The following SLFN14 variants were observed in gnomAD, a reference collection of about 807,000 sequenced individuals.
SLFN14 encodes schlafen family member 14, also known as protein SLFN14.
In SLFN14, 47 loss-of-function variants were observed where a neutral mutation model predicts 58.6. The observed-to-expected ratio is 0.80, with a 90% confidence interval of 0.64 to 1.02. SLFN14 has a LOEUF of 1.02. SLFN14 is among the 50% of genes least tolerant of loss of function. SLFN14 has a pLI of 0.00. For missense variants in SLFN14, 967 were observed against 1,078.4 expected (o/e 0.90, Z 1.45); for synonymous variants, 390 against 387.3 (o/e 1.01, Z -0.08).
At chr17:35,553,532 G>T in intron 4 of SLFN14, 88 bp from the exon 5 acceptor site, 3 of 1,014,242 alleles carry the variant, frequency 3.0e-6, no homozygotes, top group Non-Finnish European at 4.2e-6. Flanking sequence ...ATGATACCTG[G>T]TGCATTTGGG....
At chr17:35,556,890 A>G in intron 3 of SLFN14, 113 bp downstream of exon 3, 1 of 1,016,648 alleles carries the variant, frequency 9.8e-7, no homozygotes, top group East Asian at 2.6e-5. Flanking sequence ...GAGAACACTT[A>G]TAAGAAAAAT....
At position 35,557,557 on chromosome 17, in the gene SLFN14, G is replaced by A; in HGVS notation, c.506C>T (p.Pro169Leu). Residue 169 changes from proline (P) to leucine (L), a missense_variant, in exon 3 of 6, where the codon CCT becomes CTT. Transcript: ENST00000674182. ...RGRPRVKKLH[P>L]QQVLNRCIQE... ...AATGCATCTATTGAGAACCTGCTGA[G>A]GATGCAACTTCTTCACCCTTGGTCT... 1 of 1,551,606 alleles carries A rather than the reference G, an allele frequency of 6.4e-7. No homozygotes were observed. Among genetic ancestry groups the A allele is most frequent in the African/African-American group, 1.4e-5 (1 of 73,150 alleles).
intron 1 of SLFN14, among the ~76,000 whole-genome samples, chr17:35,560,117 G>A (rs2072686721): frequency 6.6e-6 from 1 of 152,132 alleles, no homozygotes; most frequent in African/African-American, 2.4e-5. Flanking sequence ...GTTAGAAATG[G>A]TCTCCTTACT....
chr17:35,555,616 G>A (rs1034686005), intron 3 of SLFN14, among the ~76,000 whole-genome samples: 1 of 151,532 alleles, frequency 6.6e-6, no homozygotes, highest in Non-Finnish European at 1.5e-5. Context: ...GGAATCAAAA[G>A]TGGCAGGATC....
chr17:35,554,068 A>G (rs2072624753), intron 4 of SLFN14, among the ~76,000 whole-genome samples: 2 of 152,168 alleles, frequency 1.3e-5, no homozygotes, highest in Admixed American at 1.3e-4. Context: ...TCTGACTCAA[A>G]TGACAATAGT....
intron 3 of SLFN14, among the ~76,000 whole-genome samples, chr17:35,555,266 G>A (rs1329571132): frequency 6.6e-6 from 1 of 152,102 alleles, no homozygotes. Context: ...CACCTATTCG[G>A]GAGGCTGAGG....
chr17:35,552,627 C>CATATATATACAT, intron 5 of SLFN14, 103 bp downstream of exon 5: 2 of 358,700 alleles, frequency 5.6e-6, no homozygotes, highest in Non-Finnish European at 8.8e-6. Flanking sequence ...TATATATACA[C>CATATATATACAT]ATATATATAC....
rs1271330885 is a variant in SLFN14 at position 35,547,638 on chromosome 17, A to C, written c.*601T>G. Among the ~76,000 whole-genome samples, 2 of 152,188 alleles carry C rather than the reference A, an allele frequency of 1.3e-5. No homozygotes were observed. Among genetic ancestry groups the C allele is most frequent in the African/African-American group, 4.8e-5 (2 of 41,432 alleles). ...GAGACTGATCTAGACTTGGTACAAA[A>C]AGGCAATCAAGTTCTGGACCTGGAA... is the stretch of plus-strand genomic sequence containing the variant. On this transcript the variant is annotated 3_prime_UTR_variant, in exon 6 of 6. Transcript: ENST00000674182.
At position 35,548,064 on chromosome 17, in the gene SLFN14, G is replaced by A. The variant is rs1415211083; in HGVS notation, c.*175C>T. The A allele has an allele frequency of 1.4e-5, 9 of 643,886 alleles. No individual in the cohort carries two copies. Among genetic ancestry groups the A allele is most frequent in the Non-Finnish European group, 1.9e-5 (7 of 378,330 alleles). The allele number at this position is 643,886 out of a possible 1,614,324, so 39.9% of individuals were successfully genotyped here. A position where few individuals can be genotyped will look rare whatever the true frequency, so the allele number is the denominator to read the frequency against. ...AGGAGGTGAAGGAAATTGTGAAAAG[G>A]CCAGTGGCATTGAAATAGAGTGGAA... On this transcript the variant is annotated 3_prime_UTR_variant, in exon 6 of 6. Transcript: ENST00000674182.
In SLFN14 at chr17:35,546,555, C is replaced by A. The variant is rs1426913929; in HGVS notation, c.*1684G>T. On this transcript the variant is annotated 3_prime_UTR_variant, in exon 6 of 6. Transcript: ENST00000674182. The stretch of plus-strand genomic sequence containing the variant: ...GCCTCCCCAGAGTCAATCAAGTTAT[C>A]CTAAACTTTTCTAGAAGTTAAAAAC... Among the ~76,000 whole-genome samples, 1 of 152,158 alleles carries A rather than the reference C, an allele frequency of 6.6e-6. No homozygotes were observed. The highest frequency in any genetic ancestry group is 1.5e-5 in the Non-Finnish European group (1 of 68,028).
At position 35,544,983 on chromosome 17, in the gene SLFN14, C is replaced by A. The variant is rs1284329291; in HGVS notation, c.*3256G>T. On this transcript the variant is annotated 3_prime_UTR_variant, in exon 6 of 6. Coordinates refer to ENST00000674182, the MANE Select transcript of SLFN14 (RefSeq NM_001129820.2). ...TATTTCATTTAGTTAATTGCTTTAT[C>A]CATCATATTAAGACTTTGTAGAAAA... Among the ~76,000 whole-genome samples, 1 of 152,098 alleles carries A rather than the reference C, an allele frequency of 6.6e-6. No homozygotes were observed. Among genetic ancestry groups the A allele is most frequent in the African/African-American group, 2.4e-5 (1 of 41,414 alleles).
chr17:35,557,787 T>C lies in SLFN14; in HGVS notation c.276A>G (p.Ser92=). 1 of 1,551,738 alleles carries C rather than the reference T, an allele frequency of 6.4e-7. No individual in the cohort carries two copies. The highest frequency in any genetic ancestry group is 2.0e-5 in the Admixed American group (1 of 51,004). Residue 92 remains serine (S), a synonymous_variant, in exon 3 of 6, where the codon TCA becomes TCG. Transcript: ENST00000674182. ...TSFQKLLPSG[S]QKYLDYMQQG... Reference sequence around the variant, plus strand: ...GCTGCATGTAGTCAAGGTATTTCTGTGAACCTGAAGGAAGGAGCTTTTGAA... The same window carrying C: ...GCTGCATGTAGTCAAGGTATTTCTGCGAACCTGAAGGAAGGAGCTTTTGAA...
chr17:35,553,035 G>A lies in SLFN14; in HGVS notation c.1599C>T (p.Tyr533=). 3.2e-6 allele frequency: 5 copies of A among 1,551,644 alleles called. No homozygotes were observed. Among genetic ancestry groups the A allele is most frequent in the Non-Finnish European group, 4.4e-6 (5 of 1,146,990 alleles). ...CCATTTCCTCCTCATCAGCAAGCCT[G>A]TAGGACCTGGGGTAACGCAGGGGGA... ...GEIPLRYPRS[Y]RLADEEEMED... Residue 533 remains tyrosine (Y), a synonymous_variant, in exon 5 of 6, where the codon TAC becomes TAT. Transcript: ENST00000674182.
At chr17:35,554,450 A>G in intron 4 of SLFN14, 126 bp downstream of exon 4, 1 of 409,996 alleles carries the variant, frequency 2.4e-6, no homozygotes, top group Non-Finnish European at 3.8e-6. Context: ...TTTCAGGATC[A>G]TTATGTCGCT....
intron 3 of SLFN14, among the ~76,000 whole-genome samples, chr17:35,556,436 A>G (rs1359224064): frequency 6.6e-6 from 1 of 152,170 alleles, no homozygotes; most frequent in Non-Finnish European, 1.5e-5. Context: ...TATAGACAAT[A>G]AAAGGAGACC....
intron 3 of SLFN14, among the ~76,000 whole-genome samples, chr17:35,556,069 G>T (rs899545275): frequency 2.6e-5 from 4 of 151,566 alleles, no homozygotes; most frequent in Non-Finnish European, 4.4e-5. Flanking sequence ...ACGGGGTCTC[G>T]CTCTGTTGCT....
intron 1 of SLFN14, among the ~76,000 whole-genome samples, chr17:35,560,523 T>G (rs2072689711): frequency 6.6e-6 from 1 of 152,112 alleles, no homozygotes; most frequent in African/African-American, 2.4e-5. Context: ...AGATGGGGTT[T>G]CACCATGTTG....
At position 35,548,595 on chromosome 17, in the gene SLFN14, C is replaced by T. The variant is rs2072554309; in HGVS notation, c.2383G>A (p.Ala795Thr). ...TGACATTTTCTTGCCACATAGTTAG[C>T]TATTTGTTCTGTTGTCAGATTAGTC... ...TKTNLTTEQIANYVARKCHSL... is the reference protein window; with the variant it reads ...TKTNLTTEQITNYVARKCHSL... The change falls in exon 6 of 6, where the codon GCT becomes ACT. Residue 795 changes from alanine (A) to threonine (T), a missense_variant. Physicochemically the swap from Ala to Thr is moderately conservative, Grantham distance 58. Coordinates refer to ENST00000674182, the MANE Select transcript of SLFN14 (RefSeq NM_001129820.2). 2 of 1,551,748 alleles carry T rather than the reference C, an allele frequency of 1.3e-6. No homozygotes were observed. The highest frequency in any genetic ancestry group is 2.0e-5 in the Admixed American group (1 of 51,010).
chr17:35,549,325 AT>A (rs1391500839), intron 5 of SLFN14, among the ~76,000 whole-genome samples: 1 of 152,214 alleles, frequency 6.6e-6, no homozygotes, highest in Admixed American at 6.5e-5. Flanking sequence ...CAGGTAACAG[AT>A]TGTATTATGT....
Sources: allele counts gnomAD v4.1 joint callset (sites outside exome capture counted in the v4.1 genomes callset), GRCh38; gene constraint gnomAD v4.1.1; transcripts MANE v1.5; gene names NCBI Gene and HGNC (gene_info 2026-07-23, HGNC 2026-07-21).